The following DYNC2I2 variants were observed in gnomAD, a reference collection of about 807,000 sequenced individuals.
DYNC2I2 encodes the protein cytoplasmic dynein 2 intermediate chain 2.
A neutral mutation model predicts 52.0 loss-of-function variants in DYNC2I2; 39 were observed. The observed-to-expected ratio is 0.75, with a 90% confidence interval of 0.58 to 0.98. The LOEUF (loss-of-function observed/expected upper bound fraction) is 0.98. Ranked by LOEUF, DYNC2I2 falls within the 50% of genes least tolerant of loss-of-function variation. The probability of loss-of-function intolerance (pLI) is 0.00; values close to 1 mark genes in which losing one functional copy is unlikely to be tolerated. For synonymous variants in DYNC2I2, 359 were observed against 321.1 expected, an observed-to-expected ratio of 1.12 and a Z score of -1.26; for missense variants, 743 against 728.4, an observed-to-expected ratio of 1.02 and a Z score of -0.23.
chr9:128,673,223 C>T, the DYNC2I2 span, among the ~76,000 whole-genome samples: 1 of 151,844 alleles, frequency 6.6e-6, no homozygotes, highest in Non-Finnish European at 1.5e-5. Context: ...CACATTTACC[C>T]AACAAAAATA....
intron 1 of DYNC2I2, among the ~76,000 whole-genome samples, chr9:128,642,578 G>A (rs1459200755): frequency 4.6e-5 from 7 of 151,720 alleles, no homozygotes; most frequent in Admixed American, 3.3e-4. Context: ...AGACCATCCT[G>A]GCTAATACGG....
At chr9:128,677,719 A>G in the DYNC2I2 span, among the ~76,000 whole-genome samples, 1 of 152,046 alleles carries the variant, frequency 6.6e-6, no homozygotes. Flanking sequence ...AGACAGGAGA[A>G]TCGGTTGAAC....
chr9:128,645,178 C>G (rs1264872435), intron 1 of DYNC2I2, among the ~76,000 whole-genome samples: 1 of 139,412 alleles, frequency 7.2e-6, no homozygotes, highest in Non-Finnish European at 1.6e-5. Flanking sequence ...TGGTGAAACC[C>G]CATCTCTACT....
intron 1 of DYNC2I2, among the ~76,000 whole-genome samples, chr9:128,646,913 A>T (rs1172305451): frequency 2.0e-5 from 3 of 152,034 alleles, no homozygotes; most frequent in Non-Finnish European, 4.4e-5. Flanking sequence ...GATCACGAGG[A>T]CAGGAGTTCG....
chr9:128,679,402 G>A, the DYNC2I2 span, among the ~76,000 whole-genome samples: 1 of 152,124 alleles, frequency 6.6e-6, no homozygotes, highest in African/African-American at 2.4e-5. Context: ...ACCAGAGAAA[G>A]CTCAGCTTTT....
At chr9:128,676,771 G>A in the DYNC2I2 span, among the ~76,000 whole-genome samples, 1 of 151,598 alleles carries the variant, frequency 6.6e-6, no homozygotes, top group Non-Finnish European at 1.5e-5. Context: ...GACTTCAAGT[G>A]ATGTGCCTGC....
upstream of DYNC2I2, among the ~76,000 whole-genome samples, chr9:128,658,235 G>A (rs1022729995): frequency 1.3e-5 from 2 of 150,770 alleles, no homozygotes; most frequent in South Asian, 2.1e-4. Flanking sequence ...GCGTGATCTC[G>A]GCTCACAGCA....
the DYNC2I2 span, among the ~76,000 whole-genome samples, chr9:128,676,310 T>C: frequency 6.6e-6 from 1 of 152,022 alleles, no homozygotes; most frequent in Non-Finnish European, 1.5e-5. Context: ...GCCAACATGA[T>C]GAAACCCCAT....
At chr9:128,636,128 C>T (rs984589504) in intron 4 of DYNC2I2, 153 bp downstream of exon 4, 2 of 1,214,844 alleles carry the variant, frequency 1.6e-6, no homozygotes, top group African/African-American at 3.0e-5. Context: ...TCAGGGCTCA[C>T]TGCAGACCTT....
Position 128,634,395 on chromosome 9 carries a change from G to T in DYNC2I2, c.1215-12C>A. 1 of 1,566,302 alleles carries T rather than the reference G, an allele frequency of 6.4e-7. No homozygotes were observed. Reference sequence around the variant, plus strand: ...TCAGGAAGAGATTCCTAGACGGGATGCAGGGGGCCAGGCAAGGGAATCAGT... The same window carrying T: ...TCAGGAAGAGATTCCTAGACGGGATTCAGGGGGCCAGGCAAGGGAATCAGT... On this transcript the variant is annotated splice_polypyrimidine_tract_variant and intron_variant, in intron 7 of 8. Transcript: ENST00000372715.
chr9:128,683,431 A>C, the DYNC2I2 span: 1 of 224,950 alleles, frequency 4.4e-6, no homozygotes, highest in East Asian at 6.4e-5. Context: ...TTTACTGAGG[A>C]ATGTTCCAAG....
upstream of DYNC2I2, among the ~76,000 whole-genome samples, chr9:128,661,318 A>C (rs1395451382): frequency 1.4e-4 from 21 of 151,060 alleles, no homozygotes; most frequent in East Asian, 9.8e-4. Flanking sequence ...AAAAAAAAAA[A>C]AAAAACAAAA....
At chr9:128,646,247 ACT>A (rs1166107339) in intron 1 of DYNC2I2, among the ~76,000 whole-genome samples, 10 of 152,128 alleles carry the variant, frequency 6.6e-5, no homozygotes, top group African/African-American at 4.8e-5. Context: ...ACACAGTCTC[ACT>A]CTGTCACCCA....
chr9:128,681,589 G>C, the DYNC2I2 span, among the ~76,000 whole-genome samples: 1 of 152,166 alleles, frequency 6.6e-6, no homozygotes, highest in Non-Finnish European at 1.5e-5. Context: ...GTAGGGAGGA[G>C]TACCATTGCT....
chr9:128,655,593 GT>G (rs1860805226), intron 1 of DYNC2I2, among the ~76,000 whole-genome samples: 1 of 146,938 alleles, frequency 6.8e-6, no homozygotes, highest in African/African-American at 2.5e-5. Flanking sequence ...GGGCGACAGA[GT>G]GAGACTCTGT....
the DYNC2I2 span, among the ~76,000 whole-genome samples, chr9:128,678,685 C>T: frequency 3.3e-5 from 5 of 151,664 alleles, no homozygotes; most frequent in African/African-American, 1.2e-4. Flanking sequence ...TGGCCTTGAA[C>T]TCCTGATCTC....
chr9:128,645,515 G>A (rs1257560303), intron 1 of DYNC2I2, among the ~76,000 whole-genome samples: 5 of 148,548 alleles, frequency 3.4e-5, no homozygotes, highest in African/African-American at 1.2e-4. Flanking sequence ...TACTTGGGAG[G>A]CTGAGGCAGG....
the DYNC2I2 span, among the ~76,000 whole-genome samples, chr9:128,677,233 A>G: frequency 6.7e-6 from 1 of 149,468 alleles, no homozygotes; most frequent in African/African-American, 2.4e-5. Flanking sequence ...AAAAAAAAAG[A>G]AAGAAAAAAG....
Position 128,656,774 on chromosome 9 carries a change from G to A in DYNC2I2, c.-48C>T. 1.5e-6 allele frequency: 2 copies of A among 1,311,500 alleles called. No individual in the cohort carries two copies. Among genetic ancestry groups the A allele is most frequent in the Non-Finnish European group, 1.9e-6 (2 of 1,028,372 alleles). 81.2% of individuals were successfully genotyped at this position (1,311,500 alleles called of 1,614,324 possible). The stretch of plus-strand genomic sequence containing the variant: ...GCGGACGCACTCAGGCGCGACCTCC[G>A]CCCCTACGCCGCCATGAGCGGAAAA... On this transcript the variant is annotated 5_prime_UTR_variant, in exon 1 of 9. Coordinates refer to ENST00000372715, the MANE Select transcript of DYNC2I2 (RefSeq NM_052844.4).
Sources: gnomAD v4.1 joint callset for allele counts (sites outside exome capture counted in the v4.1 genomes callset) on GRCh38, gnomAD v4.1.1 for gene constraint, MANE v1.5 for transcripts, NCBI Gene and HGNC (gene_info 2026-07-23, HGNC 2026-07-21) for gene names.